Variants in CTU2 observed in about 807,000 individuals in gnomAD.
The protein encoded by CTU2 is cytoplasmic tRNA 2-thiolation protein 2.
CTU2 carries 80 observed loss-of-function variants against 64.1 expected under a neutral mutation model. The observed-to-expected ratio is 1.25, with a 90% CI of 1.04 to 1.50. The LOEUF is 1.50. Among genes scored for constraint, CTU2 ranks in the 40% most tolerant of loss-of-function variants. The pLI, the probability that CTU2 is intolerant of heterozygous loss-of-function variation, is 0.00. For missense variants in CTU2, 1,110 were observed against 690.2 expected (o/e 1.61, Z -6.81); for synonymous variants, 482 against 285.3 (o/e 1.69, Z -6.95).
chr16:88,707,538 G>C (rs943986483), intron 2 of CTU2, among the ~76,000 whole-genome samples: 2 of 152,130 alleles, frequency 1.3e-5, no homozygotes, highest in Non-Finnish European at 2.9e-5. Context: ...AATACATCTA[G>C]GGGCGGATCA....
intron 1 of CTU2, chr16:88,706,900 C>T (rs1374885472): frequency 5.3e-6 from 3 of 571,284 alleles, no homozygotes; most frequent in Non-Finnish European, 9.4e-6. Context: ...CCTTGGGAGA[C>T]TGAAAAGCGG....
At chr16:88,715,018 T>A in intron 13 of CTU2, 30 bp from the exon 14 acceptor site, 1 of 1,582,346 alleles carries the variant, frequency 6.3e-7, no homozygotes, top group Admixed American at 1.7e-5. Flanking sequence ...GGCAGGTTTC[T>A]TGGCCCCTCG....
chr16:88,711,156 C>G (rs1317429109), intron 4 of CTU2, among the ~76,000 whole-genome samples: 1 of 152,160 alleles, frequency 6.6e-6, no homozygotes, highest in African/African-American at 2.4e-5. Context: ...TCTGAGGTCC[C>G]CTGAACCTGC....
At chr16:88,707,114 C>T in intron 1 of CTU2, 22 bp from the exon 2 acceptor site, 2 of 1,611,164 alleles carry the variant, frequency 1.2e-6, no homozygotes, top group Non-Finnish European at 1.7e-6. Context: ...TTTCTCTCTT[C>T]TCCCCCCTCC....
chr16:88,708,484 T>G (rs962488000), intron 2 of CTU2, among the ~76,000 whole-genome samples: 2 of 151,962 alleles, frequency 1.3e-5, no homozygotes, highest in African/African-American at 4.8e-5. Flanking sequence ...TGGTCCACAG[T>G]GCGGAGGTGA....
At chr16:88,708,050 G>C (rs1307135661) in intron 2 of CTU2, among the ~76,000 whole-genome samples, 1 of 152,156 alleles carries the variant, frequency 6.6e-6, no homozygotes, top group Non-Finnish European at 1.5e-5. Flanking sequence ...CTGACCTCAA[G>C]TGATCCACCT....
chr16:88,709,185 G>C (rs1911128375), intron 2 of CTU2: 1 of 152,270 alleles, frequency 6.6e-6, no homozygotes, highest in South Asian at 2.1e-4. Flanking sequence ...GGGTGGCTGA[G>C]GCAGAAGGAT....
At position 88,715,104 on chromosome 16, in the gene CTU2, G is replaced by C. The variant is rs1011606006; in HGVS notation, c.1476G>C (p.Gln492His). The C allele has an allele frequency of 1.3e-6, 2 of 1,588,768 alleles. No homozygotes were observed. The highest frequency in any genetic ancestry group is 1.7e-5 in the Admixed American group (1 of 58,228). The change falls in exon 14 of 15, where the codon CAG (glutamine) becomes CAC (histidine). Residue 492 changes from glutamine to histidine, a missense_variant and splice_region_variant. Gln to His is a conservative substitution (Grantham distance 24). Coordinates refer to ENST00000453996, the MANE Select transcript of CTU2 (RefSeq NM_001012759.3). ...TGGCTGAGGCCCAGCTCCGCACACA[G>C]AGGTACTGGGGCCCACACTGCCGTG... ...YILAEAQLRT[Q>H]RAWGLQEIRD...
chr16:88,710,581 A>C, intron 4 of CTU2: 1 of 411,326 alleles, frequency 2.4e-6, no homozygotes. Context: ...AGGTGCACAA[A>C]TCAGAAGCTG....
chr16:88,707,324 C>T (rs989438965), intron 2 of CTU2, 114 bp downstream of exon 2: 11 of 997,232 alleles, frequency 1.1e-5, no homozygotes, highest in African/African-American at 4.8e-5. Context: ...TTACTTTATT[C>T]CTGCTCCTGA....
chr16:88,706,581 C>T lies in CTU2; in HGVS notation c.51C>T (p.Pro17=). 3 of 1,454,354 alleles carry T rather than the reference C, an allele frequency of 2.1e-6. No homozygotes were observed. The highest frequency in any genetic ancestry group is 1.8e-6 in the Non-Finnish European group (2 of 1,110,496). The allele number at this position is 1,454,354 out of a possible 1,614,324, so 90.1% of individuals were successfully genotyped here. A position where few individuals can be genotyped will look rare whatever the true frequency, so the allele number is the denominator to read the frequency against. The change falls in exon 1 of 15, where the codon CCC becomes CCT. Residue 17 remains proline, a synonymous_variant. Coordinates refer to ENST00000453996, the MANE Select transcript of CTU2 (RefSeq NM_001012759.3). ...GGGAGCCGGCGCCTGAGGAGCCGCC[C>T]CCGGCGCCGCGGCCCAGGTAAGAGC... ...DYGEPAPEEP[P]PAPRPSREQK... is the part of the protein sequence containing the mutation.
At chr16:88,714,272 C>T in intron 10 of CTU2, 45 bp downstream of exon 10, 1 of 1,592,016 alleles carries the variant, frequency 6.3e-7, no homozygotes, top group Non-Finnish European at 8.6e-7. Flanking sequence ...CGGGTGTGTG[C>T]TGTGCGCGGG....
Position 88,715,347 on chromosome 16 carries a change from C to G in CTU2, c.*96C>G, listed in dbSNP as rs903170883. 3.1e-6 allele frequency: 4 copies of G among 1,289,634 alleles called. No individual in the cohort carries two copies. The highest frequency in any genetic ancestry group is 3.0e-5 in the African/African-American group (2 of 66,860). 79.9% of individuals were successfully genotyped at this position (1,289,634 alleles called of 1,614,324 possible). A position where few individuals can be genotyped will look rare whatever the true frequency, so the allele number is the denominator to read the frequency against. On this transcript the variant is annotated 3_prime_UTR_variant, in exon 15 of 15. Coordinates refer to ENST00000453996, the MANE Select transcript of CTU2 (RefSeq NM_001012759.3). ...GGACGGGGGACTGGCCTCTGATTGT[C>G]CATTTGTATAAATAAAACATTTTTT...
rs1206619222 is a variant in CTU2, at chr16:88,706,545, C to A, written c.15C>A (p.Gly5=). The A allele has an allele frequency of 1.4e-6, 2 of 1,458,406 alleles. No individual in the cohort carries two copies. The highest frequency in any genetic ancestry group is 5.2e-5 in the Admixed American group (2 of 38,384). The allele number at this position is 1,458,406 out of a possible 1,614,324, so 90.3% of individuals were successfully genotyped here. MCQV[G]EDYGEPAPEE... is the part of the protein sequence containing the mutation. ...CCGGCGTGCCCATGTGTCAGGTGGG[C>A]GAGGACTACGGGGAGCCGGCGCCTG... The change falls in exon 1 of 15, where the codon GGC becomes GGA. Residue 5 remains glycine, a synonymous_variant. Transcript: ENST00000453996.
intron 2 of CTU2, among the ~76,000 whole-genome samples, chr16:88,707,700 T>C (rs980965219): frequency 1.3e-5 from 2 of 152,148 alleles, no homozygotes. Context: ...GCCATTGTAT[T>C]GTTCAGTTGT....
intron 4 of CTU2, chr16:88,710,895 G>A (rs995189842): frequency 6.4e-6 from 1 of 155,850 alleles, no homozygotes; most frequent in African/African-American, 2.4e-5. Context: ...GGCTGGGGGT[G>A]GTGGGGCTGT....
At chr16:88,706,628 C>T (rs1910857863) in intron 1 of CTU2, 30 bp downstream of exon 1, 2 of 1,367,018 alleles carry the variant, frequency 1.5e-6, no homozygotes, top group Middle Eastern at 2.7e-4. Flanking sequence ...CCCGCCAGGC[C>T]GCCCCTCGCC....
At position 88,706,529 on chromosome 16, in the gene CTU2, C is replaced by G. The variant is rs756739582; in HGVS notation, c.-2C>G. 12 of 1,450,472 alleles carry G rather than the reference C, an allele frequency of 8.3e-6. No homozygotes were observed. In the East Asian group the frequency reaches 9.1e-5, roughly 11 times the overall value. The allele number at this position is 1,450,472 out of a possible 1,614,324, so 89.9% of individuals were successfully genotyped here. ...CAGTCTGCGACGGGACCCGGCGTGC[C>G]CATGTGTCAGGTGGGCGAGGACTAC... On this transcript the variant is annotated 5_prime_UTR_variant, in exon 1 of 15. Transcript: ENST00000453996.
rs575076729 is a variant in CTU2 at position 88,709,806 on chromosome 16, C to T, written c.144-132C>T. Reference sequence around the variant, plus strand: ...CCCGCCCCTTTCACCAGTCTCTGGACAGAGCCTGGATGTGAAGATGCTGCT... The same window carrying T: ...CCCGCCCCTTTCACCAGTCTCTGGATAGAGCCTGGATGTGAAGATGCTGCT... On this transcript the variant is annotated intron_variant, in intron 2 of 14. Transcript: ENST00000453996. 32 of 805,478 alleles carry T rather than the reference C, an allele frequency of 4.0e-5. No homozygotes were observed. In the South Asian group the frequency reaches 4.8e-4, roughly 12 times the overall value. The allele number at this position is 805,478 out of a possible 1,614,324, so 49.9% of individuals were successfully genotyped here.
Sources: allele counts gnomAD v4.1 joint callset (sites outside exome capture counted in the v4.1 genomes callset), GRCh38; gene constraint gnomAD v4.1.1; transcripts MANE v1.5; gene names NCBI Gene and HGNC (gene_info 2026-07-23, HGNC 2026-07-21).